The following MEF2C variants were observed in gnomAD, a reference collection of about 807,000 sequenced individuals.
MEF2C encodes myocyte enhancer factor 2C.
MEF2C carries 6 observed loss-of-function variants against 50.5 expected under a neutral mutation model. That is an observed-to-expected ratio of 0.12 (90% confidence interval 0.07 to 0.23). MEF2C has a LOEUF of 0.23. Ranked by LOEUF, MEF2C falls within the 10% of genes least tolerant of loss-of-function variation. MEF2C has a pLI of 1.00. For missense variants in MEF2C, 276 were observed against 605.0 expected (o/e 0.46, Z 5.70); for synonymous variants, 183 against 228.0 (o/e 0.80, Z 1.78).
intron 1 of MEF2C, chr5:88,838,399 C>A: frequency 4.2e-6 from 1 of 235,732 alleles, no homozygotes; most frequent in Non-Finnish European, 6.9e-6. Context: ...CTACTTTCTA[C>A]AAATGAATGT....
intron 1 of MEF2C, among the ~76,000 whole-genome samples, chr5:88,856,227 G>A (rs1039329766): frequency 3.3e-5 from 5 of 152,164 alleles, no homozygotes; most frequent in Non-Finnish European, 7.3e-5. Context: ...GATGATTTAG[G>A]TTATTTGGTG....
At chr5:88,738,534 C>G (rs936291880) in intron 6 of MEF2C, 4 of 897,682 alleles carry the variant, frequency 4.5e-6, no homozygotes, top group Non-Finnish European at 5.3e-6. Flanking sequence ...AAACAGCTAT[C>G]AACTGGTGAA....
At chr5:88,867,041 C>A (rs965468800) in intron 1 of MEF2C, among the ~76,000 whole-genome samples, 1 of 152,126 alleles carries the variant, frequency 6.6e-6, no homozygotes, top group Non-Finnish European at 1.5e-5. Flanking sequence ...ACGCTAATAT[C>A]GTAGCTGGAA....
rs10689049 is a variant in MEF2C at position 88,824,262 on chromosome 5, C to CCT, written c.-142-333_-142-332insAG. ...AATGAAATTAGGTGACAATTTCACC[C>CCT]GTTATGAAAAATTACCTAAATCAGA... On this transcript the variant is annotated intron_variant, in intron 1 of 10. Transcript: ENST00000504921. 328,434 of 982,158 alleles carry CCT rather than the reference C, an allele frequency of 0.33. 59,087 individuals carry two copies. The highest frequency in any genetic ancestry group is 0.68 in the African/African-American group (38,584 of 56,978). 60.8% of individuals were successfully genotyped at this position (982,158 alleles called of 1,614,324 possible).
At chr5:88,756,313 T>A (rs1775271613) in intron 4 of MEF2C, among the ~76,000 whole-genome samples, 1 of 152,170 alleles carries the variant, frequency 6.6e-6, no homozygotes, top group Non-Finnish European at 1.5e-5. Context: ...CCCTGCTACC[T>A]TCCCCCCTTT....
At chr5:88,815,309 A>G (rs892308597) in intron 2 of MEF2C, among the ~76,000 whole-genome samples, 2 of 152,046 alleles carry the variant, frequency 1.3e-5, no homozygotes, top group African/African-American at 4.8e-5. Context: ...TTTCCACAAT[A>G]GCCTAGGTTT....
chr5:88,810,101 T>C (rs1353801627), intron 2 of MEF2C, among the ~76,000 whole-genome samples: 3 of 152,122 alleles, frequency 2.0e-5, no homozygotes, highest in East Asian at 1.9e-4. Flanking sequence ...GAATGGATTA[T>C]GGAATGGAAA....
At chr5:88,888,225 G>C (rs544663733) in intron 1 of MEF2C, 3 of 152,326 alleles carry the variant, frequency 2.0e-5, no homozygotes, top group African/African-American at 7.2e-5. Flanking sequence ...CCTGTGTTCT[G>C]ATTTCTGTTT....
chr5:88,821,780 G>C (rs1171618953), intron 2 of MEF2C, among the ~76,000 whole-genome samples: 1 of 151,758 alleles, frequency 6.6e-6, no homozygotes, highest in Non-Finnish European at 1.5e-5. Flanking sequence ...CATGGAGTGG[G>C]GAGGGGATAA....
intron 4 of MEF2C, among the ~76,000 whole-genome samples, chr5:88,755,927 T>C (rs535561030): frequency 6.6e-6 from 1 of 152,286 alleles, no homozygotes; most frequent in Non-Finnish European, 1.5e-5. Context: ...ACTCCTTCCT[T>C]CCTCTGACTA....
chr5:88,812,044 C>T (rs919694977), intron 2 of MEF2C, among the ~76,000 whole-genome samples: 15 of 152,140 alleles, frequency 9.9e-5, no homozygotes, highest in East Asian at 3.9e-4. Flanking sequence ...AACTTGTTAA[C>T]TGTGAAACAC....
intron 3 of MEF2C, among the ~76,000 whole-genome samples, chr5:88,795,975 T>C (rs1795872518): frequency 1.3e-5 from 2 of 152,210 alleles, no homozygotes; most frequent in Admixed American, 1.3e-4. Flanking sequence ...CAGCCTTGCA[T>C]CCCAGGGATG....
chr5:88,723,619 G>A (rs1757257312), intron 10 of MEF2C, among the ~76,000 whole-genome samples: 1 of 152,230 alleles, frequency 6.6e-6, no homozygotes, highest in South Asian at 2.1e-4. Context: ...CATTAAAACT[G>A]ATAATTTGAC....
intron 1 of MEF2C, among the ~76,000 whole-genome samples, chr5:88,864,956 C>T (rs752695199): frequency 6.6e-6 from 1 of 151,956 alleles, no homozygotes; most frequent in Non-Finnish European, 1.5e-5. Context: ...TTAGTACAGA[C>T]GGGGTTTCTC....
intron 5 of MEF2C, chr5:88,750,291 C>A (rs1327756986): frequency 6.4e-6 from 1 of 157,438 alleles, no homozygotes; most frequent in Non-Finnish European, 1.3e-5. Context: ...GCAGCCTCAA[C>A]CTCCCAGGCT....
chr5:88,852,426 C>G (rs557090303), intron 1 of MEF2C, among the ~76,000 whole-genome samples: 3 of 152,314 alleles, frequency 2.0e-5, no homozygotes, highest in East Asian at 1.9e-4. Flanking sequence ...AGTGGTCTCT[C>G]TATTTATTTG....
intron 4 of MEF2C, among the ~76,000 whole-genome samples, chr5:88,752,371 T>A (rs1397065836): frequency 1.3e-5 from 2 of 152,224 alleles, no homozygotes; most frequent in Non-Finnish European, 2.9e-5. Context: ...CAGAAATGAC[T>A]GCAAGATCAA....
chr5:88,840,306 C>T (rs1362771823), intron 1 of MEF2C, among the ~76,000 whole-genome samples: 3 of 152,300 alleles, frequency 2.0e-5, no homozygotes, highest in East Asian at 3.9e-4. Context: ...TTGGTGATCA[C>T]GTCCTCATGT....
At chr5:88,785,716 T>G (rs1425614343) in intron 3 of MEF2C, among the ~76,000 whole-genome samples, 6 of 152,116 alleles carry the variant, frequency 3.9e-5, no homozygotes, top group African/African-American at 1.4e-4. Context: ...TTTAAGATTC[T>G]CTTTTAAAAT....
Sources: gnomAD v4.1 joint callset for allele counts (sites outside exome capture counted in the v4.1 genomes callset) on GRCh38, gnomAD v4.1.1 for gene constraint, MANE v1.5 for transcripts, NCBI Gene and HGNC (gene_info 2026-07-23, HGNC 2026-07-21) for gene names.